The following SEMA5B variants were observed in gnomAD, a reference collection of about 807,000 sequenced individuals.
The protein encoded by SEMA5B is semaphorin 5B.
A neutral mutation model predicts 135.0 loss-of-function variants in SEMA5B; 66 were observed. That is an observed-to-expected ratio of 0.49 (90% CI 0.40 to 0.60). SEMA5B has a LOEUF of 0.60. Ranked by LOEUF, SEMA5B falls within the 20% of genes least tolerant of loss-of-function variation. The probability of loss-of-function intolerance (pLI) is 0.00; values close to 1 mark genes in which losing one functional copy is unlikely to be tolerated. For missense variants in SEMA5B, 1,501 were observed against 1,566.3 expected (o/e 0.96, Z 0.70); for synonymous variants, 690 against 639.5 (o/e 1.08, Z -1.19).
At chr3:122,932,969 C>T (rs1016656696) in intron 5 of SEMA5B, among the ~76,000 whole-genome samples, 2 of 152,188 alleles carry the variant, frequency 1.3e-5, no homozygotes, top group African/African-American at 4.8e-5. Flanking sequence ...ATCTGCTCCC[C>T]TCGGCCTCCC....
chr3:122,929,464 C>T (rs868388203), intron 5 of SEMA5B, among the ~76,000 whole-genome samples: 8 of 152,294 alleles, frequency 5.3e-5, no homozygotes, highest in African/African-American at 1.9e-4. Context: ...CTCAACTCAG[C>T]GGCAGGCAGG....
At chr3:123,019,640 TAA>T (rs1942633281) in intron 1 of SEMA5B, among the ~76,000 whole-genome samples, 1 of 152,102 alleles carries the variant, frequency 6.6e-6, no homozygotes, top group African/African-American at 2.4e-5. Flanking sequence ...ACCTGAGGAT[TAA>T]AAGAGATAAT....
chr3:122,972,007 AC>A (rs1422118004), intron 1 of SEMA5B, among the ~76,000 whole-genome samples: 4 of 152,390 alleles, frequency 2.6e-5, no homozygotes, highest in African/African-American at 9.6e-5. Context: ...CAAGCACTCA[AC>A]AAACGCTTGT....
chr3:122,996,521 G>A (rs1007337703), intron 1 of SEMA5B, among the ~76,000 whole-genome samples: 5 of 152,244 alleles, frequency 3.3e-5, no homozygotes, highest in Admixed American at 6.5e-5. Flanking sequence ...ATCCAGGCAC[G>A]AGCAGTGGAA....
At chr3:123,006,022 C>T (rs1942300406) in intron 1 of SEMA5B, among the ~76,000 whole-genome samples, 1 of 152,244 alleles carries the variant, frequency 6.6e-6, no homozygotes, top group Admixed American at 6.5e-5. Context: ...ATGGATAATG[C>T]TTGCCTTGGC....
Position 122,911,839 on chromosome 3 carries a change from G to C in SEMA5B, c.3046+81C>G, listed in dbSNP as rs1457445181. 4.8e-6 allele frequency: 7 copies of C among 1,468,314 alleles called. No individual in the cohort carries two copies. The East Asian group carries it at 1.4e-4, about 30-fold the overall frequency. 91.0% of individuals were successfully genotyped at this position (1,468,314 alleles called of 1,614,324 possible). A position where few individuals can be genotyped will look rare whatever the true frequency, so the allele number is the denominator to read the frequency against. On this transcript the variant is annotated intron_variant, in intron 20 of 22. Transcript: ENST00000357599. ...TCCTGTGCCCCCTGCTCCCCACCAG[G>C]ACACAAGCTTCAGAAGGAGAAGGAA...
At chr3:122,999,442 C>T (rs992783910) in intron 1 of SEMA5B, among the ~76,000 whole-genome samples, 2 of 152,056 alleles carry the variant, frequency 1.3e-5, no homozygotes, top group African/African-American at 4.8e-5. Flanking sequence ...CCAGGCTGGT[C>T]TCAAACTCCC....
At chr3:123,015,916 G>A (rs371911203) in intron 1 of SEMA5B, among the ~76,000 whole-genome samples, 14 of 152,332 alleles carry the variant, frequency 9.2e-5, no homozygotes, top group Admixed American at 5.2e-4. Flanking sequence ...GCCACCATGC[G>A]ATGTCTGGGC....
chr3:122,936,772 A>G (rs4677975), intron 5 of SEMA5B, among the ~76,000 whole-genome samples: 38,299 of 151,930 alleles, frequency 0.25, 4,877 homozygotes, highest in East Asian at 0.33. Context: ...AGCTGATTTG[A>G]TTTCCCCCAC....
intron 5 of SEMA5B, among the ~76,000 whole-genome samples, chr3:122,933,289 AT>A (rs971028859): frequency 3.3e-5 from 5 of 151,978 alleles, no homozygotes; most frequent in African/African-American, 1.2e-4. Context: ...AATTTTTCAA[AT>A]TCTTGCATGT....
At chr3:122,920,078 C>T (rs1447736503) in intron 12 of SEMA5B, among the ~76,000 whole-genome samples, 1 of 152,230 alleles carries the variant, frequency 6.6e-6, no homozygotes, top group African/African-American at 2.4e-5. Flanking sequence ...TGATACATGA[C>T]AGTGCTGTTC....
intron 1 of SEMA5B, among the ~76,000 whole-genome samples, chr3:122,968,492 C>T (rs960085303): frequency 2.0e-5 from 3 of 152,154 alleles, no homozygotes; most frequent in Non-Finnish European, 4.4e-5. Context: ...CCCCAAGGTG[C>T]TGTGCCTCTT....
chr3:122,961,400 T>C (rs1207880935), intron 1 of SEMA5B, 99 bp from the exon 2 acceptor site: 1 of 1,064,130 alleles, frequency 9.4e-7, no homozygotes, highest in Non-Finnish European at 1.3e-6. Context: ...GACCACATGG[T>C]TGCTGCTGTG....
intron 2 of SEMA5B, among the ~76,000 whole-genome samples, chr3:122,956,343 G>A (rs775149811): frequency 1.3e-5 from 2 of 152,196 alleles, no homozygotes; most frequent in Non-Finnish European, 2.9e-5. Flanking sequence ...GAGAATGCAC[G>A]CCCATGCACA....
At chr3:122,916,560 T>C (rs1039182564) in intron 12 of SEMA5B, among the ~76,000 whole-genome samples, 3 of 152,168 alleles carry the variant, frequency 2.0e-5, no homozygotes, top group African/African-American at 7.2e-5. Flanking sequence ...GATAAGTAGT[T>C]TCCCTGAGAT....
At chr3:122,948,733 ACCAAGCGCTCCCT>A (rs1368094517) in intron 2 of SEMA5B, 24 bp from the exon 3 acceptor site, 1 of 1,558,200 alleles carries the variant, frequency 6.4e-7, no homozygotes, top group Admixed American at 1.7e-5. Context: ...ACTCAGTCTC[ACCAAGCGCTCCCT>A]CCAACTGGGC....
At chr3:122,960,250 G>C (rs991874305) in intron 2 of SEMA5B, among the ~76,000 whole-genome samples, 2 of 152,186 alleles carry the variant, frequency 1.3e-5, no homozygotes, top group Admixed American at 1.3e-4. Flanking sequence ...CACATCCAGA[G>C]AGTTAGTTCT....
At chr3:122,952,874 C>A (rs370648299) in intron 2 of SEMA5B, among the ~76,000 whole-genome samples, 2 of 152,182 alleles carry the variant, frequency 1.3e-5, no homozygotes, top group Non-Finnish European at 2.9e-5. Flanking sequence ...TGCTTCCAGG[C>A]TTGGGAAGGA....
At position 122,968,589 on chromosome 3, in the gene SEMA5B, T is replaced by C. The variant is rs79409689; in HGVS notation, c.-38-7288A>G. On this transcript the variant is annotated intron_variant, in intron 1 of 22. Coordinates refer to ENST00000357599, the MANE Select transcript of SEMA5B (RefSeq NM_001031702.4). ...CCAACACTACTGGAAATACATTTCT[T>C]TCCAGTAGAAATGAAAGGGCAGTGG... 5.6e-3 allele frequency among the ~76,000 whole-genome samples: 855 copies of C among 152,278 alleles called. 13 individuals are homozygous for C. Among genetic ancestry groups the C allele is most frequent in the African/African-American group, 0.019 (800 of 41,544 alleles).
Sources: gnomAD v4.1 joint callset for allele counts (sites outside exome capture counted in the v4.1 genomes callset) on GRCh38, gnomAD v4.1.1 for gene constraint, MANE v1.5 for transcripts, NCBI Gene and HGNC (gene_info 2026-07-23, HGNC 2026-07-21) for gene names.